The following MACROD2 variants were observed in gnomAD, a reference collection of about 807,000 sequenced individuals.
MACROD2 encodes the protein mono-ADP ribosylhydrolase 2, also known as ADP-ribose glycohydrolase MACROD2.
In MACROD2, 36 loss-of-function variants were observed where a neutral mutation model predicts 70.4. The ratio of observed to expected loss-of-function variants is 0.51; its 90% CI spans 0.39 to 0.68. MACROD2 has a LOEUF of 0.68. Ranked by LOEUF, MACROD2 falls within the 30% of genes least tolerant of loss-of-function variation. The probability of loss-of-function intolerance (pLI) is 0.00; values close to 1 mark genes in which losing one functional copy is unlikely to be tolerated. For synonymous variants in MACROD2, 172 were observed against 178.8 expected (o/e 0.96, Z 0.30); for missense variants, 496 against 538.4 (o/e 0.92, Z 0.78).
At chr20:15,572,732 A>T (rs1211681529) in intron 8 of MACROD2, among the ~76,000 whole-genome samples, 1 of 152,118 alleles carries the variant, frequency 6.6e-6, no homozygotes, top group African/African-American at 2.4e-5. Context: ...TTGAATGTGA[A>T]AAGCGATTCT....
chr20:15,580,549 G>A (rs146711309), intron 8 of MACROD2, among the ~76,000 whole-genome samples: 31 of 152,204 alleles, frequency 2.0e-4, no homozygotes, highest in African/African-American at 6.7e-4. Flanking sequence ...TTCTTTATAA[G>A]TGACACCTCC....
At chr20:15,980,405 G>A (rs2066380643) in intron 13 of MACROD2, among the ~76,000 whole-genome samples, 2 of 151,838 alleles carry the variant, frequency 1.3e-5, no homozygotes, top group African/African-American at 4.8e-5. Context: ...TCTTATTTTT[G>A]CTACTTATTT....
chr20:14,044,090 CA>C (rs2053432167), intron 2 of MACROD2, among the ~76,000 whole-genome samples: 1 of 152,196 alleles, frequency 6.6e-6, no homozygotes, highest in Non-Finnish European at 1.5e-5. Flanking sequence ...GTGAGTGTTA[CA>C]GTTCTTAAAG....
At chr20:15,499,111 T>C (rs2047333838) in intron 7 of MACROD2, among the ~76,000 whole-genome samples, 1 of 152,254 alleles carries the variant, frequency 6.6e-6, no homozygotes, top group Non-Finnish European at 1.5e-5. Context: ...GGTGACATTC[T>C]GAATGTGTTT....
intron 8 of MACROD2, among the ~76,000 whole-genome samples, chr20:15,505,547 C>T (rs1199030755): frequency 6.6e-6 from 1 of 152,112 alleles, no homozygotes; most frequent in Non-Finnish European, 1.5e-5. Flanking sequence ...GAGGCCCGGC[C>T]CCAGCATCAT....
At chr20:14,174,241 T>C (rs1257827328) in intron 3 of MACROD2, among the ~76,000 whole-genome samples, 2 of 152,110 alleles carry the variant, frequency 1.3e-5, no homozygotes, top group Non-Finnish European at 2.9e-5. Flanking sequence ...CAAGGGATTA[T>C]GTCCTTTGTC....
intron 5 of MACROD2, among the ~76,000 whole-genome samples, chr20:15,025,619 T>C (rs2122979889): frequency 6.6e-6 from 1 of 152,274 alleles, no homozygotes; most frequent in African/African-American, 2.4e-5. Flanking sequence ...ATGGGCTGAA[T>C]TATCTATTCC....
chr20:15,641,573 T>A (rs2049460857), intron 8 of MACROD2, among the ~76,000 whole-genome samples: 4 of 152,162 alleles, frequency 2.6e-5, no homozygotes, highest in Admixed American at 2.6e-4. Flanking sequence ...CCATTATTAG[T>A]GGAGAAGATG....
At chr20:14,889,493 C>A (rs1469664081) in intron 5 of MACROD2, among the ~76,000 whole-genome samples, 1 of 151,916 alleles carries the variant, frequency 6.6e-6, no homozygotes, top group East Asian at 1.9e-4. Context: ...TCAGGAAAGC[C>A]CTTATTGAGA....
At chr20:15,613,338 G>A (rs920623542) in intron 8 of MACROD2, among the ~76,000 whole-genome samples, 9 of 152,176 alleles carry the variant, frequency 5.9e-5, no homozygotes, top group African/African-American at 2.2e-4. Flanking sequence ...GAGCATGGCA[G>A]CATTATATTT....
intron 8 of MACROD2, among the ~76,000 whole-genome samples, chr20:15,698,486 C>T (rs1040647767): frequency 1.3e-5 from 2 of 152,172 alleles, no homozygotes; most frequent in African/African-American, 4.8e-5. Context: ...ACTGGTGCTG[C>T]TGTCTCACAG....
At chr20:15,315,415 C>T (rs1025049634) in intron 6 of MACROD2, among the ~76,000 whole-genome samples, 4 of 152,126 alleles carry the variant, frequency 2.6e-5, no homozygotes, top group African/African-American at 9.7e-5. Flanking sequence ...AACTGTTAAA[C>T]ACTAGAAACA....
chr20:15,867,807 C>T (rs959906413), intron 9 of MACROD2, among the ~76,000 whole-genome samples: 11 of 152,024 alleles, frequency 7.2e-5, no homozygotes, highest in Admixed American at 3.9e-4. Context: ...AGAATCTTGA[C>T]GTTGGAAGCT....
chr20:14,503,162 G>A (rs529920882), intron 4 of MACROD2, among the ~76,000 whole-genome samples: 1 of 152,262 alleles, frequency 6.6e-6, no homozygotes, highest in Non-Finnish European at 1.5e-5. Flanking sequence ...TAGAGTTAAT[G>A]GCCCACCCAT....
At chr20:15,979,970 G>A (rs576989722) in intron 13 of MACROD2, among the ~76,000 whole-genome samples, 38 of 152,232 alleles carry the variant, frequency 2.5e-4, no homozygotes, top group South Asian at 1.0e-3. Flanking sequence ...CTTAAAATCC[G>A]AGCTCCCCGA....
chr20:15,254,986 A>G (rs1185781832), intron 6 of MACROD2, among the ~76,000 whole-genome samples: 8 of 144,990 alleles, frequency 5.5e-5, no homozygotes, highest in Non-Finnish European at 9.0e-5. Context: ...AGTGAACACA[A>G]TATAGTGGTA....
chr20:14,198,984 A>G (rs973477363), intron 3 of MACROD2, among the ~76,000 whole-genome samples: 1 of 151,360 alleles, frequency 6.6e-6, no homozygotes, highest in Non-Finnish European at 1.5e-5. Context: ...TCTTTTTTCT[A>G]TATGTCTTTC....
In MACROD2 at chr20:14,003,835, A is replaced by G. The variant is rs3905207; in HGVS notation, c.163+1431A>G. ...ATTGAAAGAGAGGAGAGTGCTGTGT[A>G]ATGAAAAGAATACAGGGCTAGAAAT... On this transcript the variant is annotated intron_variant, in intron 2 of 17. Transcript: ENST00000684519. The G allele has an allele frequency of 4.5e-3, 1,359 of 303,350 alleles. 15 individuals carry two copies. Among genetic ancestry groups the G allele is most frequent in the African/African-American group, 0.028 (1,281 of 45,198 alleles). The allele number at this position is 303,350 out of a possible 1,614,324, so 18.8% of individuals were successfully genotyped here.
At chr20:14,993,460 T>C (rs1568916704) in intron 5 of MACROD2, among the ~76,000 whole-genome samples, 1 of 152,260 alleles carries the variant, frequency 6.6e-6, no homozygotes, top group South Asian at 2.1e-4. Context: ...CTTCCCATTT[T>C]CTGTGTGTCT....
Sources: allele counts gnomAD v4.1 joint callset (sites outside exome capture counted in the v4.1 genomes callset), GRCh38; gene constraint gnomAD v4.1.1; transcripts MANE v1.5; gene names NCBI Gene and HGNC (gene_info 2026-07-23, HGNC 2026-07-21).